SRSF5: variants seen among roughly 807,000 people sequenced by gnomAD.
SRSF5 encodes serine and arginine rich splicing factor 5.
In SRSF5, 5 loss-of-function variants were observed where a neutral mutation model predicts 34.0. That is an observed-to-expected ratio of 0.15 (90% CI 0.08 to 0.31). The LOEUF (loss-of-function observed/expected upper bound fraction) is 0.31, where lower values mean the gene tolerates loss of function less well. SRSF5 is among the 10% of genes least tolerant of loss of function. The probability of loss-of-function intolerance (pLI) is 1.00; values close to 1 mark genes in which losing one functional copy is unlikely to be tolerated. For missense variants in SRSF5, 223 were observed against 351.4 expected (o/e 0.63, Z 2.92); for synonymous variants, 164 against 117.7 (o/e 1.39, Z -2.55).
Position 69,771,284 on chromosome 14 carries a change from G to A in SRSF5, c.642G>A (p.Arg214=), listed in dbSNP as rs1476401203. Reference sequence around the variant, plus strand: ...CCCGTAGTCGCAAATCTTACAGCCGGTCAAGAAGCAGGAGCAGGAGCCGGA... The same window carrying A: ...CCCGTAGTCGCAAATCTTACAGCCGATCAAGAAGCAGGAGCAGGAGCCGGA... ...SRSRSRKSYS[R]SRSRSRSRSR... The change falls in exon 8 of 8, where the codon CGG becomes CGA. Residue 214 remains arginine, a synonymous_variant. Coordinates refer to ENST00000557154, the MANE Select transcript of SRSF5 (RefSeq NM_001320214.2). 1.2e-6 allele frequency: 2 copies of A among 1,614,110 alleles called. No homozygotes were observed. The highest frequency in any genetic ancestry group is 1.7e-6 in the Non-Finnish European group (2 of 1,180,012).
intron 5 of SRSF5, chr14:69,769,875 A>G (rs967717869): frequency 1.2e-4 from 139 of 1,207,636 alleles, no homozygotes; most frequent in Non-Finnish European, 1.4e-4. Flanking sequence ...ACATGTCTGC[A>G]TCCGCCAATA....
At position 69,771,390 on chromosome 14, in the gene SRSF5, T is replaced by TC. The variant is rs763615780; in HGVS notation, c.749dup (p.Pro251SerfsTer19). ...ACGTGGTTCTTCAAGTAGATCTAAG[T>TC]CTCCAGCATCTGTGGATCGCCAGAG... On this transcript the variant is annotated frameshift_variant, in exon 8 of 8. Transcript: ENST00000557154. LOFTEE classifies it high-confidence loss of function. 6.2e-7 allele frequency: 1 copy of TC among 1,614,204 alleles called. No homozygotes were observed. Among genetic ancestry groups the TC allele is most frequent in the South Asian group, 1.1e-5 (1 of 91,090 alleles).
At chr14:69,770,153 G>A in intron 5 of SRSF5, 1 of 1,076,368 alleles carries the variant, frequency 9.3e-7, no homozygotes, top group Non-Finnish European at 1.1e-6. Flanking sequence ...TTAAAAATAT[G>A]TACTGTTTCC....
rs141092744 is a variant in SRSF5 at position 69,771,360 on chromosome 14, C to G, written c.718C>G (p.Gln240Glu). The change falls in exon 8 of 8, where the codon CAG becomes GAG. Residue 240 changes from glutamine to glutamate, a missense_variant. Gln to Glu is a conservative substitution (Grantham distance 29, BLOSUM62 2). Coordinates refer to ENST00000557154, the MANE Select transcript of SRSF5 (RefSeq NM_001320214.2). ...VSRSPVPEKSQKRGSSSRSKS... is the reference protein window; with the variant it reads ...VSRSPVPEKSEKRGSSSRSKS... ...TAGGTCTCCCGTGCCTGAGAAGAGC[C>G]AGAAACGTGGTTCTTCAAGTAGATC... The G allele has an allele frequency of 6.2e-7, 1 of 1,614,188 alleles. No individual in the cohort carries two copies. Among genetic ancestry groups the G allele is most frequent in the Non-Finnish European group, 8.5e-7 (1 of 1,180,034 alleles).
rs985619276 is a variant in SRSF5 at position 69,771,765 on chromosome 14, TAGA to T, written c.*306_*308del. Reference sequence around the variant, plus strand: ...TAAAGCAAATTTAATTTTTTTGTACTAGAAAAAAATTTGAACATTTTAGTTCTT... The same window carrying T: ...TAAAGCAAATTTAATTTTTTTGTACTAAAAAATTTGAACATTTTAGTTCTT... On this transcript the variant is annotated 3_prime_UTR_variant, in exon 8 of 8. Transcript: ENST00000557154. 4 of 251,466 alleles carry T rather than the reference TAGA, an allele frequency of 1.6e-5. No individual in the cohort carries two copies. The highest frequency in any genetic ancestry group is 3.0e-5 in the Non-Finnish European group (4 of 131,588). The allele number at this position is 251,466 out of a possible 1,614,324, so 15.6% of individuals were successfully genotyped here.
intron 4 of SRSF5, 41 bp from the exon 5 acceptor site, chr14:69,769,141 A>T (rs1299977976): frequency 6.8e-6 from 11 of 1,610,068 alleles, no homozygotes; most frequent in Non-Finnish European, 9.4e-6. Flanking sequence ...AAGTGCTGTC[A>T]TTGCATTTCT....
intron 6 of SRSF5, 35 bp from the exon 7 acceptor site, chr14:69,770,960 G>C (rs752137993): frequency 6.4e-7 from 1 of 1,564,618 alleles, no homozygotes; most frequent in East Asian, 2.2e-5. Context: ...ACTACAGGAT[G>C]TATATACTTT....
At chr14:69,770,135 T>G (rs932530660) in intron 5 of SRSF5, 2 of 1,054,562 alleles carry the variant, frequency 1.9e-6, no homozygotes, top group Non-Finnish European at 2.3e-6. Flanking sequence ...TCTACTTTAG[T>G]CTTTACTTTA....
chr14:69,769,738 T>A, intron 5 of SRSF5: 1 of 1,396,920 alleles, frequency 7.2e-7, no homozygotes, highest in Non-Finnish European at 9.3e-7. Context: ...ATCCCTAAGT[T>A]GAGACCTGTC....
Position 69,771,069 on chromosome 14 carries a change from G to A in SRSF5, c.515G>A (p.Arg172Lys). 6.2e-7 allele frequency: 1 copy of A among 1,613,908 alleles called. No homozygotes were observed. Among genetic ancestry groups the A allele is most frequent in the Non-Finnish European group, 8.5e-7 (1 of 1,179,944 alleles). ...CTTTCTGGAAAGGAAATAAATGGGAGAAAAATAAAATTAATTGAAGGCAGC... is the reference window on the plus strand; with the variant it reads ...CTTTCTGGAAAGGAAATAAATGGGAAAAAAATAAAATTAATTGAAGGCAGC... ...EKLSGKEINGRKIKLIEGSKR... is the reference protein window; with the variant it reads ...EKLSGKEINGKKIKLIEGSKR... The change falls in exon 7 of 8, where the codon AGA becomes AAA. Residue 172 changes from arginine (R) to lysine (K), a missense_variant. By Grantham distance (26) the Arg-to-Lys change is conservative. Transcript: ENST00000557154.
In SRSF5 at chr14:69,770,504, C is replaced by T. The variant is rs1388529660; in HGVS notation, c.404C>T (p.Thr135Met). The T allele has an allele frequency of 1.9e-6, 3 of 1,613,852 alleles. No individual in the cohort carries two copies. The highest frequency in any genetic ancestry group is 2.5e-6 in the Non-Finnish European group (3 of 1,179,962). ...KDFMRQAGEV[T>M]FADAHRPKLN... ...TTCATGAGACAAGCTGGGGAAGTAA[C>T]GTTTGCGGATGCACACCGACCTAAA... Residue 135 changes from threonine (T) to methionine (M), a missense_variant, in exon 6 of 8, where the codon ACG becomes ATG. Around this residue, in one of 4 missense-constraint regions of SRSF5, gnomAD observed 37 missense variants for 96.7 expected, o/e 0.38. Coordinates refer to ENST00000557154, the MANE Select transcript of SRSF5 (RefSeq NM_001320214.2).
intron 1 of SRSF5, chr14:69,767,769 C>T (rs1882693959): frequency 5.7e-6 from 2 of 351,756 alleles, no homozygotes; most frequent in Non-Finnish European, 1.1e-5. Context: ...CTGTGACGCG[C>T]CCGCGAGGCC....
At chr14:69,769,072 G>A (rs1026181007) in intron 4 of SRSF5, 110 bp from the exon 5 acceptor site, 36 of 1,352,492 alleles carry the variant, frequency 2.7e-5, no homozygotes, top group Non-Finnish European at 3.7e-5. Context: ...ATCTATTGAC[G>A]GAAGTCATTA....
chr14:69,771,622 C>T lies in SRSF5; in HGVS notation c.*161C>T. ...GCTGGATATCTTTGTAGATGTGGAC[C>T]ACCAAGGGGTTGTTGAAAACTAATT... On this transcript the variant is annotated 3_prime_UTR_variant, in exon 8 of 8. Transcript: ENST00000557154. The T allele has an allele frequency of 1.3e-6, 1 of 792,606 alleles. No homozygotes were observed. Among genetic ancestry groups the T allele is most frequent in the Non-Finnish European group, 2.0e-6 (1 of 512,312 alleles). 49.1% of individuals were successfully genotyped at this position (792,606 alleles called of 1,614,324 possible). A position where few individuals can be genotyped will look rare whatever the true frequency, so the allele number is the denominator to read the frequency against.
chr14:69,770,371 ATCT>A (rs1834261451), intron 5 of SRSF5, 93 bp from the exon 6 acceptor site: 3 of 1,521,318 alleles, frequency 2.0e-6, no homozygotes, highest in South Asian at 2.6e-5. Flanking sequence ...TTTATCTAAC[ATCT>A]TCTCTTTCAG....
In SRSF5 at chr14:69,769,081, T is replaced by A. The variant is rs745306396; in HGVS notation, c.297-101T>A. 38 of 1,425,594 alleles carry A rather than the reference T, an allele frequency of 2.7e-5. No homozygotes were observed. In the East Asian group the frequency reaches 8.5e-4, roughly 32 times the overall value. 88.3% of individuals were successfully genotyped at this position (1,425,594 alleles called of 1,614,324 possible). The stretch of plus-strand genomic sequence containing the variant: ...ACACAAATCTATTGACGGAAGTCAT[T>A]AGAATGGCTTGTGATATCTGATGGC... On this transcript the variant is annotated intron_variant, in intron 4 of 7. Coordinates refer to ENST00000557154, the MANE Select transcript of SRSF5 (RefSeq NM_001320214.2).
chr14:69,770,389 CTT>C (rs1335894236), intron 5 of SRSF5, 76 bp from the exon 6 acceptor site: 1 of 1,562,294 alleles, frequency 6.4e-7, no homozygotes. Context: ...TTTCAGTAGT[CTT>C]GTTTTTTTTA....
intron 5 of SRSF5, 136 bp downstream of exon 5, chr14:69,769,387 TTAAA>T (rs1882954427): frequency 1.3e-6 from 2 of 1,499,540 alleles, no homozygotes; most frequent in Non-Finnish European, 1.8e-6. Flanking sequence ...AAACATTTAA[TTAAA>T]TGTAATTTGG....
intron 1 of SRSF5, 132 bp from the exon 2 acceptor site, chr14:69,768,006 A>G: frequency 9.9e-7 from 1 of 1,014,646 alleles, no homozygotes; most frequent in South Asian, 1.6e-5. Context: ...GCCTCATTAG[A>G]GGCTCTGTTG....
Sources: allele counts gnomAD v4.1 joint callset, GRCh38; gene constraint gnomAD v4.1.1; regional missense constraint gnomAD v4.1.1; transcripts MANE v1.5; gene names NCBI Gene and HGNC (gene_info 2026-07-23, HGNC 2026-07-21).